Variants in LINGO2 observed in about 807,000 individuals in gnomAD.
The protein encoded by LINGO2 is leucine-rich repeat and immunoglobulin-like domain-containing nogo receptor-interacting protein 2.
LINGO2 carries 14 observed loss-of-function variants against 30.6 expected under a neutral mutation model. The ratio of observed to expected loss-of-function variants is 0.46; its 90% CI spans 0.30 to 0.72. The LOEUF is 0.72. Among genes scored for constraint, LINGO2 ranks in the 30% least tolerant of loss-of-function variants. The pLI is 0.07. For synonymous variants in LINGO2, 317 were observed against 288.5 expected, an observed-to-expected ratio of 1.10 and a Z score of -1.00; for missense variants, 729 against 751.7, an observed-to-expected ratio of 0.97 and a Z score of 0.35.
intron 2 of LINGO2, among the ~76,000 whole-genome samples, chr9:28,382,470 A>T (rs536218609): frequency 2.6e-5 from 4 of 152,158 alleles, no homozygotes; most frequent in Non-Finnish European, 4.4e-5. Context: ...TATTTTAAGG[A>T]CAGAAACAAT....
At position 28,055,195 on chromosome 9, in the gene LINGO2, TTTCTGCA is replaced by T. The variant is rs1438705280; in HGVS notation, c.-86-42797_-86-42791del. ...ATGTAAATTGGCTTAATTTTTTAAGTTTCTGCAGACAATTTCTTATGAACGTGAAAAT... is the reference window on the plus strand; with the variant it reads ...ATGTAAATTGGCTTAATTTTTTAAGTGACAATTTCTTATGAACGTGAAAAT... On this transcript the variant is annotated intron_variant, in intron 4 of 5. Coordinates refer to ENST00000379992, the Ensembl canonical transcript of LINGO2. Among the ~76,000 whole-genome samples the T allele has an allele frequency of 2.0e-5, 3 of 152,192 alleles. No individual in the cohort carries two copies. In the East Asian group the frequency reaches 5.8e-4, roughly 29 times the overall value.
At chr9:28,298,386 C>T (rs560888649) in intron 3 of LINGO2, among the ~76,000 whole-genome samples, 1 of 151,430 alleles carries the variant, frequency 6.6e-6, no homozygotes, top group Non-Finnish European at 1.5e-5. Context: ...GAATTTGGGG[C>T]TGGGCGCAGT....
At chr9:29,058,128 A>G in the LINGO2 span, among the ~76,000 whole-genome samples, 1 of 152,144 alleles carries the variant, frequency 6.6e-6, no homozygotes, top group African/African-American at 2.4e-5. Context: ...CAGTCAATAG[A>G]TTAAGAAAAG....
intron 1 of LINGO2, among the ~76,000 whole-genome samples, chr9:28,632,226 G>A (rs956044052): frequency 1.3e-5 from 2 of 152,086 alleles, no homozygotes; most frequent in Non-Finnish European, 2.9e-5. Context: ...AATCTATAAT[G>A]AAGACAGAAT....
chr9:28,332,041 C>G (rs1401919607), intron 3 of LINGO2, among the ~76,000 whole-genome samples: 1 of 151,980 alleles, frequency 6.6e-6, no homozygotes, highest in Non-Finnish European at 1.5e-5. Flanking sequence ...AACCTAAATG[C>G]CAAATAAACT....
intron 1 of LINGO2, among the ~76,000 whole-genome samples, chr9:28,546,743 A>G (rs575964392): frequency 6.6e-6 from 1 of 152,204 alleles, no homozygotes; most frequent in Non-Finnish European, 1.5e-5. Context: ...AATGTCAGAA[A>G]GAGACTCTGT....
rs138322753 is a variant in LINGO2 at position 28,582,678 on chromosome 9, A to G, written c.-365+87522T>C. ...GAAAATCCATCAATTCTTGAACAGCAGACTTCCAAAAACTTCATATATCAG... is the reference window on the plus strand; with the variant it reads ...GAAAATCCATCAATTCTTGAACAGCGGACTTCCAAAAACTTCATATATCAG... On this transcript the variant is annotated intron_variant, in intron 1 of 5. Transcript: ENST00000379992. Among the ~76,000 whole-genome samples the G allele has an allele frequency of 2.5e-3, 382 of 152,206 alleles. 5 individuals carry two copies. Among genetic ancestry groups the G allele is most frequent in the Admixed American group, 0.014 (211 of 15,246 alleles).
intron 1 of LINGO2, among the ~76,000 whole-genome samples, chr9:28,543,533 C>A (rs76235748): frequency 0.014 from 2,059 of 152,108 alleles, 43 homozygotes; most frequent in East Asian, 0.094. Flanking sequence ...CGTATTTGGA[C>A]TGCCTCAGAA....
intron 4 of LINGO2, among the ~76,000 whole-genome samples, chr9:28,277,845 A>AC (rs1384068337): frequency 1.4e-4 from 20 of 146,470 alleles, no homozygotes; most frequent in African/African-American, 5.0e-4. Context: ...AACAAAAAAA[A>AC]AAAACAAAAA....
At chr9:29,052,503 T>C in the LINGO2 span, among the ~76,000 whole-genome samples, 1 of 152,272 alleles carries the variant, frequency 6.6e-6, no homozygotes, top group Admixed American at 6.5e-5. Flanking sequence ...TAGAAAGTGG[T>C]TTATTTTCAG....
the LINGO2 span, among the ~76,000 whole-genome samples, chr9:29,055,450 G>A: frequency 3.3e-5 from 5 of 152,048 alleles, no homozygotes; most frequent in Admixed American, 1.3e-4. Flanking sequence ...GTCATTTGTC[G>A]GTCTATGGAC....
chr9:28,868,205 C>G, the LINGO2 span, among the ~76,000 whole-genome samples: 2 of 152,078 alleles, frequency 1.3e-5, no homozygotes, highest in Admixed American at 6.6e-5. Flanking sequence ...TATTTGCCTT[C>G]AGCTGAATAT....
At chr9:29,051,981 T>A in the LINGO2 span, among the ~76,000 whole-genome samples, 1 of 152,212 alleles carries the variant, frequency 6.6e-6, no homozygotes, top group Admixed American at 6.5e-5. Context: ...TGTGAATATA[T>A]AATTCTACAT....
chr9:28,589,406 C>T (rs981217172), intron 1 of LINGO2, among the ~76,000 whole-genome samples: 9 of 152,078 alleles, frequency 5.9e-5, no homozygotes, highest in East Asian at 1.9e-4. Context: ...AAAACCCAAT[C>T]GTCTCAGCTC....
rs148354334 is a variant in LINGO2, at chr9:28,027,277, G to T, written c.-86-14872C>A. Among the ~76,000 whole-genome samples the T allele has an allele frequency of 1.5e-3, 226 of 152,246 alleles. 8 individuals are homozygous for T. In the East Asian group the frequency reaches 0.038, roughly 25 times the overall value. ...TCCCCATTTTACGGGTGAGGAAATT[G>T]AGGTATAGAGAAGTAACTTGTCCAA... On this transcript the variant is annotated intron_variant, in intron 4 of 5. Coordinates refer to ENST00000379992, the Ensembl canonical transcript of LINGO2.
rs113407044 is a variant in LINGO2 at position 28,326,880 on chromosome 9, A to G, written c.-245-31514T>C. Among the ~76,000 whole-genome samples, 27 of 152,234 alleles carry G rather than the reference A, an allele frequency of 1.8e-4. 2 individuals are homozygous for G. Among genetic ancestry groups the G allele is most frequent in the African/African-American group, 4.6e-4 (19 of 41,548 alleles). ...GGTCACCCCTGGACACATAAATACC[A>G]TTACTGAGAAAAGCACTAGGGGAAT... is the stretch of plus-strand genomic sequence containing the variant. On this transcript the variant is annotated intron_variant, in intron 3 of 5. Transcript: ENST00000379992.
chr9:28,732,160 T>A, the LINGO2 span, among the ~76,000 whole-genome samples: 13 of 152,098 alleles, frequency 8.5e-5, no homozygotes, highest in South Asian at 2.3e-3. Flanking sequence ...GGGTTTTAAG[T>A]GGTGAAAAAA....
chr9:28,072,949 C>T (rs1825522868), intron 4 of LINGO2, among the ~76,000 whole-genome samples: 1 of 152,012 alleles, frequency 6.6e-6, no homozygotes, highest in South Asian at 2.1e-4. Context: ...GCCTGTCTTC[C>T]CTCCAGTGTT....
At chr9:27,983,198 C>A (rs1370381968) in intron 5 of LINGO2, among the ~76,000 whole-genome samples, 1 of 151,864 alleles carries the variant, frequency 6.6e-6, no homozygotes, top group Non-Finnish European at 1.5e-5. Flanking sequence ...ATGTGAAATG[C>A]ATGCATCTTA....
Sources: allele counts gnomAD v4.1 joint callset (sites outside exome capture counted in the v4.1 genomes callset), GRCh38; gene constraint gnomAD v4.1.1; transcripts MANE v1.5; gene names NCBI Gene and HGNC (gene_info 2026-07-23, HGNC 2026-07-21).